NHSL2: variants seen among roughly 807,000 people sequenced by gnomAD.
NHSL2 encodes the protein NHS like 2, also known as NHS-like protein 2.
A neutral mutation model predicts 53.4 loss-of-function variants in NHSL2; 27 were observed. The ratio of observed to expected loss-of-function variants is 0.51; its 90% CI spans 0.37 to 0.70. The LOEUF (loss-of-function observed/expected upper bound fraction) is 0.70. Among genes scored for constraint, NHSL2 ranks in the 30% least tolerant of loss-of-function variants. The pLI is 0.00. For synonymous variants in NHSL2, 408 were observed against 404.1 expected, an observed-to-expected ratio of 1.01 and a Z score of -0.12; for missense variants, 892 against 980.1, an observed-to-expected ratio of 0.91 and a Z score of 1.20.
At chrX:72,064,801 C>T (rs1430920141) in intron 1 of NHSL2, among the ~76,000 whole-genome samples, 12 of 112,551 alleles carry the variant, frequency 1.1e-4, no homozygotes, top group Admixed American at 9.3e-4. Context: ...AGGCCTGGCC[C>T]TCCCTCTCTC....
chrX:72,096,365 A>C (rs1385209446), intron 1 of NHSL2, among the ~76,000 whole-genome samples: 5 of 111,872 alleles, frequency 4.5e-5, no homozygotes, highest in Non-Finnish European at 9.4e-5. Flanking sequence ...GGGCCACTGG[A>C]GCCCATAAAG....
At chrX:71,979,768 A>C (rs2041966306) in intron 1 of NHSL2, among the ~76,000 whole-genome samples, 1 of 111,441 alleles carries the variant, frequency 9.0e-6, no homozygotes, top group African/African-American at 3.3e-5. Flanking sequence ...TAGTTTAATT[A>C]GATCCCATTT....
intron 1 of NHSL2, among the ~76,000 whole-genome samples, chrX:71,987,220 A>T (rs902781254): frequency 3.6e-5 from 4 of 111,960 alleles, no homozygotes; most frequent in Non-Finnish European, 7.5e-5. Flanking sequence ...CAAAAAAAAA[A>T]GAAAAAGAAA....
intron 1 of NHSL2, among the ~76,000 whole-genome samples, chrX:72,053,811 C>T (rs1364620203): frequency 8.9e-6 from 1 of 111,857 alleles, no homozygotes; most frequent in African/African-American, 3.3e-5. Context: ...CACTCCTCCA[C>T]CCCCATCTCA....
intron 1 of NHSL2, among the ~76,000 whole-genome samples, chrX:71,954,239 C>G (rs1248062722): frequency 9.0e-6 from 1 of 111,671 alleles, no homozygotes; most frequent in Non-Finnish European, 1.9e-5. Context: ...ATTCTCAAAC[C>G]AGCCCAGTAG....
At position 71,963,994 on chromosome X, in the gene NHSL2, TATATAC is replaced by T. The variant is rs1415776750; in HGVS notation, c.280+52633_280+52638del. On this transcript the variant is annotated intron_variant, in intron 1 of 7. Coordinates refer to ENST00000633930, the MANE Select transcript of NHSL2 (RefSeq NM_001013627.3). ...ATATACATATATATATATATATATG[TATATAC>T]ATATATATATGTATATATATATATG... is the stretch of plus-strand genomic sequence containing the variant. Among the ~76,000 whole-genome samples the T allele has an allele frequency of 8.2e-4, 34 of 41,578 alleles. 5 individuals carry two copies. Among genetic ancestry groups the T allele is most frequent in the African/African-American group, 4.4e-3 (30 of 6,840 alleles). The allele number at this position is 41,578 out of a possible 115,157, so 36.1% of individuals were successfully genotyped here. A position where few individuals can be genotyped will look rare whatever the true frequency, so the allele number is the denominator to read the frequency against.
intron 1 of NHSL2, among the ~76,000 whole-genome samples, chrX:71,924,318 C>T (rs926181653): frequency 4.5e-5 from 5 of 111,749 alleles, no homozygotes; most frequent in Non-Finnish European, 9.4e-5. Context: ...TCTATTCAGG[C>T]ATTCCTTCCT....
intron 1 of NHSL2, among the ~76,000 whole-genome samples, chrX:71,992,366 G>A (rs73561862): frequency 0.034 from 3,741 of 111,540 alleles, 152 homozygotes; most frequent in African/African-American, 0.12. Flanking sequence ...ATAGTGGGTG[G>A]GGTGGGGAGG....
At chrX:71,928,056 C>T (rs943770085) in intron 1 of NHSL2, among the ~76,000 whole-genome samples, 4 of 112,824 alleles carry the variant, frequency 3.5e-5, no homozygotes, top group Non-Finnish European at 7.5e-5. Flanking sequence ...GAGCACTTTA[C>T]TTGTATTTGC....
intron 1 of NHSL2, among the ~76,000 whole-genome samples, chrX:72,048,341 G>A (rs192019839): frequency 4.6e-4 from 51 of 111,089 alleles, no homozygotes; most frequent in African/African-American, 1.6e-3. Flanking sequence ...GAAGGAATGG[G>A]AGCCAGAGTG....
At chrX:72,053,507 A>G (rs1204673122) in intron 1 of NHSL2, among the ~76,000 whole-genome samples, 1 of 112,093 alleles carries the variant, frequency 8.9e-6, no homozygotes, top group Non-Finnish European at 1.9e-5. Flanking sequence ...AGAGAAAAGT[A>G]TAACCAGCAT....
chrX:71,962,806 T>A (rs894414206), intron 1 of NHSL2, among the ~76,000 whole-genome samples: 1 of 108,826 alleles, frequency 9.2e-6, no homozygotes, highest in Non-Finnish European at 1.9e-5. Context: ...ATTTTTTTTT[T>A]ATTTAATTTT....
Position 72,132,131 on chromosome X carries a change from G to A in NHSL2, c.333G>A (p.Ser111=). 1.7e-6 allele frequency: 2 copies of A among 1,166,794 alleles called. No individual in the cohort carries two copies. The highest frequency in any genetic ancestry group is 2.3e-6 in the Non-Finnish European group (2 of 872,255). ...CGACAGCGACTGCCCACTCGAGGTC[G>A]TCATGGCGACAGCCAGTGAACGTGT... ...ENATATAHSR[S]SWRQPVNVFL... is the part of the protein sequence containing the mutation. Residue 111 remains serine (S), a synonymous_variant, in exon 2 of 8, where the codon TCG becomes TCA. Transcript: ENST00000633930.
chrX:72,091,023 T>C (rs1304986549), intron 1 of NHSL2, among the ~76,000 whole-genome samples: 1 of 112,065 alleles, frequency 8.9e-6, no homozygotes, highest in Non-Finnish European at 1.9e-5. Flanking sequence ...CGTCTCCTAC[T>C]GGAGTTGTTG....
At chrX:71,942,943 T>G (rs2041773255) in intron 1 of NHSL2, among the ~76,000 whole-genome samples, 1 of 83,067 alleles carries the variant, frequency 1.2e-5, no homozygotes, top group Non-Finnish European at 2.5e-5. Flanking sequence ...TCGAGGGCTC[T>G]AATGCTCTCT....
rs139985004 is a variant in NHSL2, at chrX:72,148,610, T to C, written c.*5036T>C. The C allele has an allele frequency of 6.2e-5, 7 of 112,040 alleles. No homozygotes were observed. The East Asian group carries it at 1.9e-3, about 31-fold the overall frequency. 9.2% of individuals were successfully genotyped at this position (112,040 alleles called of 1,213,427 possible). Reference sequence around the variant, plus strand: ...GAAATAAGCAAATTTTAGAATACTTTGAAACAGATTTATAGAGGAATACAT... The same window carrying C: ...GAAATAAGCAAATTTTAGAATACTTCGAAACAGATTTATAGAGGAATACAT... On this transcript the variant is annotated 3_prime_UTR_variant, in exon 8 of 8. Coordinates refer to ENST00000633930, the MANE Select transcript of NHSL2 (RefSeq NM_001013627.3).
chrX:71,990,738 G>A (rs2042023663), intron 1 of NHSL2, among the ~76,000 whole-genome samples: 1 of 112,179 alleles, frequency 8.9e-6, no homozygotes, highest in South Asian at 3.7e-4. Context: ...CTGCAGAACA[G>A]CTTTCCAAGG....
At chrX:71,995,192 C>T (rs2042044544) in intron 1 of NHSL2, among the ~76,000 whole-genome samples, 1 of 112,213 alleles carries the variant, frequency 8.9e-6, no homozygotes, top group Non-Finnish European at 1.9e-5. Context: ...CTTGTTACCA[C>T]CTTCAAGATC....
intron 5 of NHSL2, among the ~76,000 whole-genome samples, chrX:72,138,084 C>G (rs1166580010): frequency 9.0e-6 from 1 of 111,698 alleles, no homozygotes; most frequent in African/African-American, 3.3e-5. Flanking sequence ...GAAGCCTCTA[C>G]TCTCATCTCT....
Sources: allele counts gnomAD v4.1 joint callset (sites outside exome capture counted in the v4.1 genomes callset), GRCh38; gene constraint gnomAD v4.1.1; transcripts MANE v1.5; gene names NCBI Gene and HGNC (gene_info 2026-07-23, HGNC 2026-07-21).